The following GRID1 variants were observed in gnomAD, a reference collection of about 807,000 sequenced individuals.
GRID1 encodes the protein glutamate ionotropic receptor delta type subunit 1.
Under a neutral mutation model 98.0 loss-of-function variants are expected in GRID1, and 28 were observed. The ratio of observed to expected loss-of-function variants is 0.29; its 90% CI spans 0.21 to 0.39. GRID1 has a LOEUF of 0.39. Ranked by LOEUF, GRID1 falls within the 10% of genes least tolerant of loss-of-function variation. The pLI is 1.00. For synonymous variants in GRID1, 553 were observed against 538.5 expected (o/e 1.03, Z -0.37); for missense variants, 1,111 against 1,340.5 (o/e 0.83, Z 2.67).
At chr10:85,653,553 C>T (rs888452137) in intron 12 of GRID1, among the ~76,000 whole-genome samples, 23 of 152,152 alleles carry the variant, frequency 1.5e-4, no homozygotes. Context: ...AAAGGGGATG[C>T]TGGGGTGTAC....
chr10:85,754,468 G>C (rs1842077317), intron 8 of GRID1, among the ~76,000 whole-genome samples: 1 of 152,200 alleles, frequency 6.6e-6, no homozygotes, highest in Admixed American at 6.5e-5. Flanking sequence ...AGGAGAAACA[G>C]AGAAAAGAGT....
At position 85,933,285 on chromosome 10, in the gene GRID1, TAAAAAAAAAAAAAA is replaced by T. The variant is rs59704249; in HGVS notation, c.727-17060_727-17047del. On this transcript the variant is annotated intron_variant, in intron 4 of 15. Transcript: ENST00000327946. ...GTATAAGAAATAAATCTCTGTTCTT[TAAAAAAAAAAAAAA>T]AAAAAAAAAAAAACTTATTTTAGAT... Among the ~76,000 whole-genome samples the T allele has an allele frequency of 1.1e-3, 137 of 120,456 alleles. 1 individual carries two copies. Among genetic ancestry groups the T allele is most frequent in the African/African-American group, 4.6e-3 (132 of 28,620 alleles). 79.0% of individuals were successfully genotyped at this position (120,456 alleles called of 152,430 possible).
chr10:85,935,646 C>T (rs539820814), intron 4 of GRID1, among the ~76,000 whole-genome samples: 12 of 152,312 alleles, frequency 7.9e-5, no homozygotes, highest in Admixed American at 3.9e-4. Context: ...ATCATCATAG[C>T]CAATTGCATA....
chr10:85,979,142 G>C (rs1842511222), intron 4 of GRID1, among the ~76,000 whole-genome samples: 1 of 152,114 alleles, frequency 6.6e-6, no homozygotes, highest in Admixed American at 6.5e-5. Flanking sequence ...GAGGACCAAG[G>C]TTGTGAGTGC....
At chr10:86,356,951 G>A (rs543932108) in intron 2 of GRID1, among the ~76,000 whole-genome samples, 4 of 152,322 alleles carry the variant, frequency 2.6e-5, no homozygotes, top group South Asian at 2.1e-4. Context: ...TTTCAACCTC[G>A]CAGCTACAAG....
chr10:86,250,894 G>A (rs574990807), intron 2 of GRID1, among the ~76,000 whole-genome samples: 19 of 152,272 alleles, frequency 1.2e-4, no homozygotes, highest in African/African-American at 2.9e-4. Flanking sequence ...AGGTTTTGTC[G>A]AATAGAAAAG....
intron 5 of GRID1, among the ~76,000 whole-genome samples, chr10:85,902,630 G>A (rs1009511407): frequency 1.1e-4 from 17 of 152,160 alleles, no homozygotes; most frequent in Non-Finnish European, 1.6e-4. Context: ...AGATAAGGGG[G>A]GAGCCGTGTG....
At chr10:85,737,645 G>GCTAT (rs371270240) in intron 8 of GRID1, among the ~76,000 whole-genome samples, 1 of 95,688 alleles carries the variant, frequency 1.0e-5, no homozygotes, top group Admixed American at 1.1e-4. Context: ...AGTAAAGCCA[G>GCTAT]ATATATATAT....
In GRID1 at chr10:85,878,031, C is replaced by T. The variant is rs190158423; in HGVS notation, c.781-8851G>A. Among the ~76,000 whole-genome samples the T allele has an allele frequency of 7.1e-4, 108 of 151,708 alleles. 1 individual carries two copies. The highest frequency in any genetic ancestry group is 2.2e-3 in the African/African-American group (89 of 41,338). Reference sequence around the variant, plus strand: ...AAGAAAGGGTATCAGTGATGGAAGACGAAATGAATGAAATGAAGCGAGAAG... The same window carrying T: ...AAGAAAGGGTATCAGTGATGGAAGATGAAATGAATGAAATGAAGCGAGAAG... On this transcript the variant is annotated intron_variant, in intron 5 of 15. Transcript: ENST00000327946.
intron 3 of GRID1, among the ~76,000 whole-genome samples, chr10:86,200,279 A>C (rs1052169610): frequency 6.6e-6 from 1 of 152,198 alleles, no homozygotes; most frequent in Admixed American, 6.5e-5. Flanking sequence ...GCACCTGCTT[A>C]AATGTCACCT....
intron 4 of GRID1, among the ~76,000 whole-genome samples, chr10:85,960,189 C>G (rs1002951206): frequency 1.3e-5 from 2 of 152,182 alleles, no homozygotes; most frequent in Admixed American, 6.5e-5. Flanking sequence ...TGTGAGCCAC[C>G]ACGCTCAGCC....
At chr10:86,273,203 A>C (rs924135623) in intron 2 of GRID1, among the ~76,000 whole-genome samples, 3 of 151,068 alleles carry the variant, frequency 2.0e-5, no homozygotes, top group African/African-American at 7.3e-5. Flanking sequence ...GAGAATGATG[A>C]TTTCCAATTT....
At chr10:85,888,224 T>C (rs909191265) in intron 5 of GRID1, among the ~76,000 whole-genome samples, 10 of 152,250 alleles carry the variant, frequency 6.6e-5, no homozygotes, top group African/African-American at 2.4e-4. Context: ...CCTCATACTC[T>C]GGCTGCCCAG....
chr10:85,885,063 T>TA (rs1226633893), intron 5 of GRID1, among the ~76,000 whole-genome samples: 1 of 152,194 alleles, frequency 6.6e-6, no homozygotes, highest in Non-Finnish European at 1.5e-5. Context: ...CACTACATAA[T>TA]AAAAAGAATC....
At chr10:85,834,901 G>A (rs1842899606) in intron 8 of GRID1, among the ~76,000 whole-genome samples, 1 of 152,024 alleles carries the variant, frequency 6.6e-6, no homozygotes, top group African/African-American at 2.4e-5. Flanking sequence ...AGGCAAAAAT[G>A]GGAAGAATAG....
At position 85,916,377 on chromosome 10, in the gene GRID1, C is replaced by A; in HGVS notation, c.727-138G>T. On this transcript the variant is annotated intron_variant, in intron 4 of 15. Transcript: ENST00000327946. This position sits in a 1 kb window ranked among gnomAD's most constrained non-coding sequence, Gnocchi z 4.0. ...ACAAAACATGCCATCCCCCTGGGGC[C>A]TGCTCTGGCTGCCTTAGCTGCAAGA... 1.4e-6 allele frequency: 1 copy of A among 710,912 alleles called. No individual in the cohort carries two copies. The highest frequency in any genetic ancestry group is 2.5e-6 in the Non-Finnish European group (1 of 405,028). 44.0% of individuals were successfully genotyped at this position (710,912 alleles called of 1,614,324 possible). A position where few individuals can be genotyped will look rare whatever the true frequency, so the allele number is the denominator to read the frequency against.
chr10:85,884,551 G>A (rs2131805637), intron 5 of GRID1, among the ~76,000 whole-genome samples: 1 of 152,270 alleles, frequency 6.6e-6, no homozygotes, highest in South Asian at 2.1e-4. Context: ...TATCGTGACT[G>A]AAAGAATGTA....
chr10:86,105,554 C>T (rs142985726), intron 4 of GRID1, among the ~76,000 whole-genome samples: 18 of 152,342 alleles, frequency 1.2e-4, no homozygotes, highest in South Asian at 2.1e-4. Context: ...GGGGAACACG[C>T]TCTTCAATGA....
intron 12 of GRID1, among the ~76,000 whole-genome samples, chr10:85,673,170 G>A (rs754931242): frequency 6.6e-6 from 1 of 152,230 alleles, no homozygotes. Flanking sequence ...GGAGCCTGAA[G>A]ATGAGACTGA....
Sources: allele counts gnomAD v4.1 joint callset (sites outside exome capture counted in the v4.1 genomes callset), GRCh38; gene constraint gnomAD v4.1.1; non-coding constraint Gnocchi (gnomAD v3.1); transcripts MANE v1.5; gene names NCBI Gene and HGNC (gene_info 2026-07-23, HGNC 2026-07-21).